FSCN2: variants seen among roughly 807,000 people sequenced by gnomAD.
FSCN2 encodes the protein fascin-2.
In FSCN2, 46 loss-of-function variants were observed where a neutral mutation model predicts 37.8. The observed-to-expected ratio is 1.22, with a 90% CI of 0.96 to 1.56. FSCN2 has a LOEUF of 1.56. Ranked by LOEUF, FSCN2 falls within the 40% of genes most tolerant of loss-of-function variation. The probability of loss-of-function intolerance (pLI) is 0.00; values close to 1 mark genes in which losing one functional copy is unlikely to be tolerated. For synonymous variants in FSCN2, 351 were observed against 309.4 expected (o/e 1.13, Z -1.41); for missense variants, 844 against 730.4 (o/e 1.16, Z -1.79).
chr17:81,521,833 A>G, the FSCN2 span, among the ~76,000 whole-genome samples: 1 of 152,216 alleles, frequency 6.6e-6, no homozygotes, highest in Non-Finnish European at 1.5e-5. Context: ...TTCTATAACC[A>G]CAGAACAGTG....
intron 4 of FSCN2, 42 bp from the exon 5 acceptor site, chr17:81,536,833 C>A: frequency 1.9e-6 from 3 of 1,549,468 alleles, no homozygotes; most frequent in Non-Finnish European, 2.6e-6. Flanking sequence ...GGGGTGGCAG[C>A]GGGCAGGTGG....
chr17:81,517,768 C>T, the FSCN2 span, among the ~76,000 whole-genome samples: 2 of 150,786 alleles, frequency 1.3e-5, no homozygotes, highest in Non-Finnish European at 3.0e-5. Context: ...CCGCCCCCCC[C>T]CCCTCCAGTC....
chr17:81,527,481 A>G (rs1555670258), upstream of FSCN2: 2 of 152,468 alleles, frequency 1.3e-5, no homozygotes, highest in Admixed American at 6.5e-5. Flanking sequence ...GGGTACAGCC[A>G]GGTGGCCCAG....
rs372751268 is a variant in FSCN2, at chr17:81,528,967, G to T, written c.436G>T (p.Val146Leu). ...AIHPQAHLLS[V>L]SRRRYVHLCP... ...CCACCCGCAGGCCCACCTGCTGAGCGTGAGCCGGCGGCGCTACGTGCACCT... is the reference window on the plus strand; with the variant it reads ...CCACCCGCAGGCCCACCTGCTGAGCTTGAGCCGGCGGCGCTACGTGCACCT... Residue 146 changes from valine to leucine, a missense_variant, in exon 1 of 5, where the codon GTG becomes TTG. Transcript: ENST00000417245. 5.0e-6 allele frequency: 8 copies of T among 1,588,338 alleles called. No individual in the cohort carries two copies. Among genetic ancestry groups the T allele is most frequent in the Non-Finnish European group, 6.8e-6 (8 of 1,171,894 alleles).
At chr17:81,528,268 G>T, upstream of FSCN2, 1 of 497,552 alleles carries the variant, frequency 2.0e-6, no homozygotes, top group Non-Finnish European at 3.6e-6. Context: ...CCAAGCTGAG[G>T]GTAATGAAAG....
intron 1 of FSCN2, among the ~76,000 whole-genome samples, chr17:81,532,716 G>GTGA (rs1568079957): frequency 6.6e-6 from 1 of 150,862 alleles, no homozygotes; most frequent in Non-Finnish European, 1.5e-5. Flanking sequence ...AGTGATGGTG[G>GTGA]TGGTGATAGT....
intron 3 of FSCN2, 122 bp downstream of exon 3, chr17:81,536,389 C>T: frequency 7.0e-7 from 1 of 1,435,140 alleles, no homozygotes; most frequent in Non-Finnish European, 9.4e-7. Flanking sequence ...CGGGTGCTGT[C>T]ATGGAGTCAT....
At chr17:81,526,793 G>T (rs549198986), upstream of FSCN2, among the ~76,000 whole-genome samples, 1 of 152,342 alleles carries the variant, frequency 6.6e-6, no homozygotes, top group South Asian at 2.1e-4. Flanking sequence ...TGGGAAGGGG[G>T]TGAAACCCCA....
chr17:81,518,619 G>C, the FSCN2 span, among the ~76,000 whole-genome samples: 144 of 152,320 alleles, frequency 9.5e-4, no homozygotes, highest in Admixed American at 2.8e-3. Context: ...CCCGCTAGCT[G>C]GTCAGCTCCT....
In FSCN2 at chr17:81,529,178, C is replaced by A; in HGVS notation, c.647C>A (p.Ala216Glu). The change falls in exon 1 of 5, where the codon GCG becomes GAG. Residue 216 changes from alanine to glutamate, a missense_variant. Coordinates refer to ENST00000417245, the MANE Select transcript of FSCN2 (RefSeq NM_012418.4). The stretch of plus-strand genomic sequence containing the variant: ...GCCTGCTACACGCTGGAGTTCAAGG[C>A]GGGCAAGCTGGCCTTCAAGGACTGC... ...PRACYTLEFK[A>E]GKLAFKDCDG... 6.3e-7 allele frequency: 1 copy of A among 1,592,690 alleles called. No individual in the cohort carries two copies. The highest frequency in any genetic ancestry group is 8.5e-7 in the Non-Finnish European group (1 of 1,170,904).
At position 81,528,840 on chromosome 17, in the gene FSCN2, G is replaced by A. The variant is rs34126129; in HGVS notation, c.309G>A (p.Arg103=). The change falls in exon 1 of 5, where the codon CGG becomes CGA. Residue 103 remains arginine (R), a synonymous_variant. Transcript: ENST00000417245. ...AGCCAGATGGGCGCTGGGTGCTGCG[G>A]TCCGAGCCGCACGGCCGCTTCTTCG... ...LPQPDGRWVL[R]SEPHGRFFGG... 2,567 of 1,555,142 alleles carry A rather than the reference G, an allele frequency of 1.7e-3. 44 individuals are homozygous for A. The African/African-American group carries it at 0.032, about 19-fold the overall frequency.
Position 81,537,074 on chromosome 17 carries a change from G to T in FSCN2, c.1473G>T (p.Glu491Asp). 2 of 1,446,632 alleles carry T rather than the reference G, an allele frequency of 1.4e-6. No homozygotes were observed. The highest frequency in any genetic ancestry group is 9.0e-7 in the Non-Finnish European group (1 of 1,106,728). 89.6% of individuals were successfully genotyped at this position (1,446,632 alleles called of 1,614,324 possible). A position where few individuals can be genotyped will look rare whatever the true frequency, so the allele number is the denominator to read the frequency against. The change falls in exon 5 of 5, where the codon GAG becomes GAT. Residue 491 changes from glutamate to aspartate, a missense_variant. Coordinates refer to ENST00000417245, the MANE Select transcript of FSCN2 (RefSeq NM_012418.4). ...CCCCGGCCGGGACCGCGCTTTGGGA[G>T]TACTGAGGCCGCGCCCAGACCAGCC... The part of the protein sequence containing the change: ...ADAPAGTALW[E>D]Y
At chr17:81,522,619 T>A in the FSCN2 span, among the ~76,000 whole-genome samples, 1 of 152,196 alleles carries the variant, frequency 6.6e-6, no homozygotes, top group African/African-American at 2.4e-5. Flanking sequence ...AACTTGCGGG[T>A]GGACGTGGCA....
At chr17:81,535,010 C>A in intron 1 of FSCN2, 42 bp from the exon 2 acceptor site, 4 of 1,475,772 alleles carry the variant, frequency 2.7e-6, no homozygotes, top group South Asian at 1.3e-5. Context: ...CTGCTCCCTA[C>A]CCAGGAGAGG....
rs888219396 is a variant in FSCN2 at position 81,528,451 on chromosome 17, C to T, written c.-81C>T. 1.9e-5 allele frequency: 21 copies of T among 1,109,826 alleles called. No individual in the cohort carries two copies. Among genetic ancestry groups the T allele is most frequent in the East Asian group, 1.0e-4 (4 of 38,598 alleles). 68.7% of individuals were successfully genotyped at this position (1,109,826 alleles called of 1,614,324 possible). A position where few individuals can be genotyped will look rare whatever the true frequency, so the allele number is the denominator to read the frequency against. ...GGGCTGTGGGCCAGCCGAGCCGACCCGGGCTTCTGGGGGACCGCGGGGGCC... is the reference window on the plus strand; with the variant it reads ...GGGCTGTGGGCCAGCCGAGCCGACCTGGGCTTCTGGGGGACCGCGGGGGCC... On this transcript the variant is annotated 5_prime_UTR_variant, in exon 1 of 5. Coordinates refer to ENST00000417245, the MANE Select transcript of FSCN2 (RefSeq NM_012418.4).
In FSCN2 at chr17:81,532,967, G is replaced by A. The variant is rs528001634; in HGVS notation, c.827-2085G>A. On this transcript the variant is annotated intron_variant, in intron 1 of 4. Transcript: ENST00000417245. The stretch of plus-strand genomic sequence containing the variant: ...CCTCCCTGCCTTCAACAGGGCTGAG[G>A]GTGAGGACCCAACCACCAGGTGTTT... Among the ~76,000 whole-genome samples the A allele has an allele frequency of 8.5e-5, 13 of 152,220 alleles. No homozygotes were observed. In the East Asian group the frequency reaches 2.3e-3, roughly 27 times the overall value.
rs1231066155 is a variant in FSCN2, at chr17:81,531,810, ATGGTGG to A, written c.826+2459_826+2464del. The stretch of plus-strand genomic sequence containing the variant: ...GATGGTGATGATGATAATGGTGATG[ATGGTGG>A]TGGTGATGGTGGTGGTGGTGATGGT... On this transcript the variant is annotated intron_variant, in intron 1 of 4. Transcript: ENST00000417245. Among the ~76,000 whole-genome samples the A allele has an allele frequency of 1.2e-4, 10 of 80,802 alleles. No individual in the cohort carries two copies. The East Asian group carries it at 2.9e-3, about 24-fold the overall frequency. The allele number at this position is 80,802 out of a possible 152,430, so 53.0% of individuals were successfully genotyped here.
upstream of FSCN2, among the ~76,000 whole-genome samples, chr17:81,526,583 C>T (rs1406143226): frequency 6.6e-6 from 1 of 152,210 alleles, no homozygotes; most frequent in Non-Finnish European, 1.5e-5. Context: ...AAGATTGCGC[C>T]ACTGGACTCC....
chr17:81,517,218 GAGGCTCCCC>G, the FSCN2 span, among the ~76,000 whole-genome samples: 1 of 149,944 alleles, frequency 6.7e-6, no homozygotes, highest in Non-Finnish European at 1.5e-5. Context: ...CAGTTTACCT[GAGGCTCCCC>G]ATCCCCGCTG....
Sources: allele counts gnomAD v4.1 joint callset (sites outside exome capture counted in the v4.1 genomes callset), GRCh38; gene constraint gnomAD v4.1.1; transcripts MANE v1.5; gene names NCBI Gene and HGNC (gene_info 2026-07-23, HGNC 2026-07-21).